Variants in PIK3CA observed in about 807,000 individuals in gnomAD.
PIK3CA encodes the protein phosphatidylinositol-4,5-bisphosphate 3-kinase catalytic subunit alpha, also known as phosphatidylinositol 4,5-bisphosphate 3-kinase catalytic subunit alpha isoform.
In PIK3CA, 27 loss-of-function variants were observed where a neutral mutation model predicts 138.2. The observed-to-expected ratio is 0.20, with a 90% confidence interval of 0.14 to 0.27. The LOEUF is 0.27. Ranked by LOEUF, PIK3CA falls within the 10% of genes least tolerant of loss-of-function variation. PIK3CA has a pLI of 1.00. For synonymous variants in PIK3CA, 358 were observed against 413.2 expected (o/e 0.87, Z 1.62); for missense variants, 544 against 1,277.4 (o/e 0.43, Z 8.75).
chr3:179,178,261 CAA>C (rs60887179), intron 1 of PIK3CA, among the ~76,000 whole-genome samples: 11,986 of 79,830 alleles, frequency 0.15, 497 homozygotes, highest in East Asian at 0.18. Context: ...CTCTAAAGAT[CAA>C]AAAAAAAAAA....
At chr3:179,161,004 C>G (rs1723264888) in intron 1 of PIK3CA, among the ~76,000 whole-genome samples, 1 of 152,168 alleles carries the variant, frequency 6.6e-6, no homozygotes, top group South Asian at 2.1e-4. Flanking sequence ...AGCAAACGTG[C>G]TGTTTCATTG....
intron 17 of PIK3CA, among the ~76,000 whole-genome samples, chr3:179,228,127 A>T (rs1161161817): frequency 6.6e-6 from 1 of 152,074 alleles, no homozygotes; most frequent in Non-Finnish European, 1.5e-5. Context: ...CAATGATAAA[A>T]TTCAAACTTG....
At chr3:179,199,282 A>G in intron 2 of PIK3CA, 105 bp downstream of exon 2, 1 of 662,970 alleles carries the variant, frequency 1.5e-6, no homozygotes, top group South Asian at 2.7e-5. Context: ...AATCTTAAAT[A>G]GCTTTCTAAA....
intron 1 of PIK3CA, among the ~76,000 whole-genome samples, chr3:179,190,868 A>C (rs1183068266): frequency 1.3e-5 from 2 of 152,212 alleles, no homozygotes; most frequent in East Asian, 3.8e-4. Context: ...TACAGAAACA[A>C]ATATGGGCTT....
intron 1 of PIK3CA, among the ~76,000 whole-genome samples, chr3:179,198,295 G>A (rs1266558297): frequency 6.6e-6 from 1 of 152,154 alleles, no homozygotes; most frequent in Non-Finnish European, 1.5e-5. Flanking sequence ...ACTTCTCTAG[G>A]CATGGTTTTA....
intron 1 of PIK3CA, among the ~76,000 whole-genome samples, chr3:179,179,613 A>G (rs551921809): frequency 2.6e-5 from 4 of 152,310 alleles, no homozygotes; most frequent in African/African-American, 7.2e-5. Context: ...AAAGTCATCA[A>G]ACTTAATGCT....
intron 9 of PIK3CA, among the ~76,000 whole-genome samples, chr3:179,211,769 C>A (rs1043642650): frequency 6.6e-6 from 1 of 152,186 alleles, no homozygotes; most frequent in African/African-American, 2.4e-5. Flanking sequence ...TGATCTCTCA[C>A]AGTTCTTGGA....
chr3:179,213,193 A>G (rs1040845365), intron 9 of PIK3CA, among the ~76,000 whole-genome samples: 3 of 152,200 alleles, frequency 2.0e-5, no homozygotes, highest in South Asian at 2.1e-4. Context: ...AAGTACAGCT[A>G]TACCTCTGAG....
At chr3:179,149,567 A>G (rs574454876) in intron 1 of PIK3CA, 3 of 152,352 alleles carry the variant, frequency 2.0e-5, no homozygotes, top group Non-Finnish European at 2.9e-5. Flanking sequence ...CAGTCTGCAT[A>G]TTCTTTAATG....
Position 179,203,935 on chromosome 3 carries a change from G to C in PIK3CA, c.1059+146G>C, listed in dbSNP as rs1394868980. 13 of 591,680 alleles carry C rather than the reference G, an allele frequency of 2.2e-5. No individual in the cohort carries two copies. In the South Asian group the frequency reaches 3.4e-4, roughly 16 times the overall value. 36.7% of individuals were successfully genotyped at this position (591,680 alleles called of 1,614,324 possible). A position where few individuals can be genotyped will look rare whatever the true frequency, so the allele number is the denominator to read the frequency against. On this transcript the variant is annotated intron_variant, in intron 5 of 20. Coordinates refer to ENST00000263967, the MANE Select transcript of PIK3CA (RefSeq NM_006218.4). Reference sequence around the variant, plus strand: ...ATCTCCGAATGTAAAAATATATCAAGAATTTTACTTGAGCTTCCATCTACC... The same window carrying C: ...ATCTCCGAATGTAAAAATATATCAACAATTTTACTTGAGCTTCCATCTACC...
At chr3:179,157,313 T>G (rs1723162235) in intron 1 of PIK3CA, among the ~76,000 whole-genome samples, 3 of 152,182 alleles carry the variant, frequency 2.0e-5, no homozygotes, top group African/African-American at 7.2e-5. Context: ...GTGTTCTTTT[T>G]TCTAACTATA....
Position 179,238,309 on chromosome 3 carries a change from T to TAAAC in PIK3CA, c.*3948_*3951dup, listed in dbSNP as rs1725370460. 1 of 215,982 alleles carries TAAAC rather than the reference T, an allele frequency of 4.6e-6. No homozygotes were observed. The highest frequency in any genetic ancestry group is 2.3e-5 in the African/African-American group (1 of 44,372). 13.4% of individuals were successfully genotyped at this position (215,982 alleles called of 1,614,324 possible). On this transcript the variant is annotated 3_prime_UTR_variant, in exon 21 of 21. Coordinates refer to ENST00000263967, the MANE Select transcript of PIK3CA (RefSeq NM_006218.4). ...TACAGCTGGGCTGTTTTTTAAAATA[T>TAAAC]AAACAATACCATTTTTAATTATTAC...
Position 179,235,091 on chromosome 3 carries a change from T to C in PIK3CA, c.*727T>C, listed in dbSNP as rs1468679864. The C allele has an allele frequency of 1.6e-5, 3 of 192,304 alleles. No homozygotes were observed. Among genetic ancestry groups the C allele is most frequent in the Non-Finnish European group, 3.2e-5 (3 of 92,634 alleles). The allele number at this position is 192,304 out of a possible 1,614,324, so 11.9% of individuals were successfully genotyped here. ...CAGTATTTAAAGGATCTTATTCTTA[T>C]TTCCCAGGGAAATTCTGGGCTCCCA... On this transcript the variant is annotated 3_prime_UTR_variant, in exon 21 of 21. Coordinates refer to ENST00000263967, the MANE Select transcript of PIK3CA (RefSeq NM_006218.4).
intron 1 of PIK3CA, among the ~76,000 whole-genome samples, chr3:179,151,202 A>G (rs767233265): frequency 6.6e-6 from 1 of 152,230 alleles, no homozygotes; most frequent in Non-Finnish European, 1.5e-5. Flanking sequence ...CTTGAGCTAT[A>G]TTAACAGTGC....
chr3:179,172,469 G>C (rs988181076), intron 1 of PIK3CA, among the ~76,000 whole-genome samples: 1 of 147,638 alleles, frequency 6.8e-6, no homozygotes, highest in African/African-American at 2.6e-5. Context: ...TATACAGAAA[G>C]TTCTAAAGAA....
chr3:179,182,774 T>C (rs1723882025), intron 1 of PIK3CA, among the ~76,000 whole-genome samples: 2 of 152,198 alleles, frequency 1.3e-5, no homozygotes, highest in South Asian at 2.1e-4. Flanking sequence ...TTTTAAGGTA[T>C]AGTAATTATA....
rs2108399151 is a variant in PIK3CA at position 179,209,608 on chromosome 3, C to A, written c.1159C>A (p.Leu387Met). 6.2e-7 allele frequency: 1 copy of A among 1,600,664 alleles called. No individual in the cohort carries two copies. The highest frequency in any genetic ancestry group is 8.5e-7 in the Non-Finnish European group (1 of 1,172,122). The change falls in exon 7 of 21, where the codon CTG becomes ATG. Residue 387 changes from leucine to methionine, a missense_variant. By Grantham distance (15) the Leu-to-Met change is conservative. Transcript: ENST00000263967. ...AATTTTACATAGGTGGAATGAATGG[C>A]TGAATTATGATATATACATTCCTGA... ...PCSNPRWNEWLNYDIYIPDLP... is the reference protein window; with the variant it reads ...PCSNPRWNEWMNYDIYIPDLP...
rs1725368052 is a variant in PIK3CA at position 179,238,174 on chromosome 3, T to G, written c.*3810T>G. Reference sequence around the variant, plus strand: ...AAGGCTGAAAGTTGTGAGAGTATATTGTATACCGTAAGAGAATCAACTCTT... The same window carrying G: ...AAGGCTGAAAGTTGTGAGAGTATATGGTATACCGTAAGAGAATCAACTCTT... On this transcript the variant is annotated 3_prime_UTR_variant, in exon 21 of 21. Transcript: ENST00000263967. The G allele has an allele frequency of 4.5e-6, 1 of 223,054 alleles. No individual in the cohort carries two copies. 13.8% of individuals were successfully genotyped at this position (223,054 alleles called of 1,614,324 possible).
At chr3:179,207,873 G>A (rs1203116769) in intron 6 of PIK3CA, among the ~76,000 whole-genome samples, 1 of 151,838 alleles carries the variant, frequency 6.6e-6, no homozygotes, top group African/African-American at 2.4e-5. Flanking sequence ...TTCTCTATAT[G>A]TTTCTACAAT....
Sources: gnomAD v4.1 joint callset for allele counts (sites outside exome capture counted in the v4.1 genomes callset) on GRCh38, gnomAD v4.1.1 for gene constraint, MANE v1.5 for transcripts, NCBI Gene and HGNC (gene_info 2026-07-23, HGNC 2026-07-21) for gene names.